Variants in IST1 observed in about 807,000 individuals in gnomAD.
The protein encoded by IST1 is IST1 homolog.
A neutral mutation model predicts 37.0 loss-of-function variants in IST1; 23 were observed. The ratio of observed to expected loss-of-function variants is 0.62; its 90% CI spans 0.45 to 0.88. The LOEUF (loss-of-function observed/expected upper bound fraction) is 0.88, where lower values mean the gene tolerates loss of function less well. Among genes scored for constraint, IST1 ranks in the 40% least tolerant of loss-of-function variants. IST1 has a pLI of 0.00. For missense variants in IST1, 488 were observed against 445.4 expected, an observed-to-expected ratio of 1.10 and a Z score of -0.86; for synonymous variants, 180 against 161.7, an observed-to-expected ratio of 1.11 and a Z score of -0.86.
chr16:71,916,495 C>G lies in IST1; in HGVS notation c.122C>G (p.Ala41Gly). The G allele has an allele frequency of 6.2e-7, 1 of 1,612,960 alleles. No individual in the cohort carries two copies. ...ELAQKARKEI[A>G]DYLAAGKDER... Reference sequence around the variant, plus strand: ...GCCCAGAAAGCAAGGAAGGAGATTGCTGACTATCTGGCTGCTGGGAAAGAT... The same window carrying G: ...GCCCAGAAAGCAAGGAAGGAGATTGGTGACTATCTGGCTGCTGGGAAAGAT... The change falls in exon 3 of 10, where the codon GCT becomes GGT. Residue 41 changes from alanine to glycine, a missense_variant. This residue lies in a region of IST1 where 33 missense variants were observed against 59.3 expected (regional missense o/e 0.56). Transcript: ENST00000378799.
At chr16:71,925,516 A>C (rs1244253125) in intron 9 of IST1, among the ~76,000 whole-genome samples, 1 of 148,856 alleles carries the variant, frequency 6.7e-6, no homozygotes, top group Non-Finnish European at 1.5e-5. Flanking sequence ...GGGTTTCACC[A>C]CGTTGGTCAG....
rs2037811093 is a variant in IST1 at position 71,928,641 on chromosome 16, C to CTCAAGTCTTT, written c.*830_*839dup. 4 of 152,774 alleles carry CTCAAGTCTTT rather than the reference C, an allele frequency of 2.6e-5. No individual in the cohort carries two copies. In the South Asian group the frequency reaches 6.2e-4, roughly 24 times the overall value. The allele number at this position is 152,774 out of a possible 1,614,324, so 9.5% of individuals were successfully genotyped here. A position where few individuals can be genotyped will look rare whatever the true frequency, so the allele number is the denominator to read the frequency against. On this transcript the variant is annotated 3_prime_UTR_variant, in exon 10 of 10. Transcript: ENST00000378799. ...GCTTCCAGCTGCCTTAATAGAAGTA[C>CTCAAGTCTTT]TCAAGTCTTTTGGGTAGTGAGCTGG...
At chr16:71,910,685 G>A (rs1322362837) in intron 1 of IST1, among the ~76,000 whole-genome samples, 1 of 152,102 alleles carries the variant, frequency 6.6e-6, no homozygotes, top group African/African-American at 2.4e-5. Context: ...GCATCCACTA[G>A]GGTCTTGAAA....
At chr16:71,894,883 G>C (rs949346238), upstream of IST1, 4 of 1,462,446 alleles carry the variant, frequency 2.7e-6, no homozygotes, top group Admixed American at 2.0e-5. Context: ...AGTTTTCTCT[G>C]AATACCGAGA....
intron 1 of IST1, among the ~76,000 whole-genome samples, chr16:71,914,775 G>T (rs561947184): frequency 1.2e-4 from 19 of 152,078 alleles, no homozygotes; most frequent in Non-Finnish European, 2.2e-4. Flanking sequence ...CTGTTCTTCA[G>T]TTACTTTGTT....
chr16:71,915,449 C>T (rs1025322864), intron 1 of IST1, among the ~76,000 whole-genome samples, 177 bp from the exon 2 acceptor site: 3 of 151,862 alleles, frequency 2.0e-5, no homozygotes, highest in Non-Finnish European at 2.9e-5. Flanking sequence ...TATCCTTCCC[C>T]AATCAGTTTT....
intron 9 of IST1, among the ~76,000 whole-genome samples, chr16:71,926,084 C>G (rs1203061325): frequency 6.6e-6 from 1 of 152,018 alleles, no homozygotes; most frequent in East Asian, 1.9e-4. Flanking sequence ...GTGTTCAAGA[C>G]CAGGCTGGTC....
At chr16:71,906,112 T>C (rs2037218188) in intron 1 of IST1, among the ~76,000 whole-genome samples, 1 of 151,180 alleles carries the variant, frequency 6.6e-6, no homozygotes, top group Admixed American at 6.6e-5. Context: ...CAACCAATTC[T>C]CCTGCCTCAG....
At chr16:71,923,917 GT>G (rs1317597133) in intron 8 of IST1, among the ~76,000 whole-genome samples, 1 of 151,988 alleles carries the variant, frequency 6.6e-6, no homozygotes, top group East Asian at 1.9e-4. Context: ...CAGGTTACTT[GT>G]TTTTGACCAG....
rs183375342 is a variant in IST1, at chr16:71,895,585, G to A, written c.-20G>A. ...TCTGCTGCGTTCACGGCAGGATTCG[G>A]TTAGGTGAGTGTGGCATCCTCGGCG... On this transcript the variant is annotated 5_prime_UTR_variant, in exon 1 of 10. Coordinates refer to ENST00000378799, the MANE Select transcript of IST1 (RefSeq NM_001270975.2). 1.8e-4 allele frequency: 176 copies of A among 984,382 alleles called. No homozygotes were observed. In the Admixed American group the frequency reaches 1.8e-3, roughly 10 times the overall value. The allele number at this position is 984,382 out of a possible 1,614,324, so 61.0% of individuals were successfully genotyped here. A position where few individuals can be genotyped will look rare whatever the true frequency, so the allele number is the denominator to read the frequency against.
chr16:71,899,742 A>G (rs2037059612), intron 1 of IST1, among the ~76,000 whole-genome samples: 1 of 146,458 alleles, frequency 6.8e-6, no homozygotes, highest in Non-Finnish European at 1.5e-5. Flanking sequence ...CTGGGCGAAC[A>G]GCCGGGCATG....
intron 1 of IST1, among the ~76,000 whole-genome samples, chr16:71,900,494 C>T (rs536618916): frequency 6.6e-6 from 1 of 151,914 alleles, no homozygotes; most frequent in Non-Finnish European, 1.5e-5. Context: ...TTTTACTTTG[C>T]TTATTCAGGA....
At chr16:71,899,279 C>T (rs761840293) in intron 1 of IST1, among the ~76,000 whole-genome samples, 7 of 152,174 alleles carry the variant, frequency 4.6e-5, no homozygotes, top group South Asian at 2.1e-4. Flanking sequence ...ACATGTAATG[C>T]TTCTAAAGGA....
chr16:71,894,698 CTTTT>C (rs35889170), upstream of IST1: 373 of 442,152 alleles, frequency 8.4e-4, no homozygotes, highest in Non-Finnish European at 9.5e-4. Flanking sequence ...TAATTTTTAA[CTTTT>C]TTTTTTTTTT....
intron 1 of IST1, among the ~76,000 whole-genome samples, chr16:71,904,627 T>G (rs954428273): frequency 3.9e-5 from 6 of 152,254 alleles, no homozygotes; most frequent in Non-Finnish European, 7.3e-5. Flanking sequence ...TAGTCTGGTC[T>G]TGAACTCCTG....
At chr16:71,906,329 C>T (rs1259590300) in intron 1 of IST1, among the ~76,000 whole-genome samples, 3 of 150,470 alleles carry the variant, frequency 2.0e-5, no homozygotes, top group Non-Finnish European at 4.4e-5. Flanking sequence ...TTTTTTGAGA[C>T]ACAGTTTTGC....
At chr16:71,917,231 G>A in intron 4 of IST1, 97 bp downstream of exon 4, 1 of 707,484 alleles carries the variant, frequency 1.4e-6, no homozygotes, top group Non-Finnish European at 2.4e-6. Flanking sequence ...CAGATATTTT[G>A]TACCATTCTT....
upstream of IST1, chr16:71,894,760 TC>T: frequency 2.0e-6 from 2 of 991,554 alleles, no homozygotes; most frequent in South Asian, 1.4e-5. Flanking sequence ...GGTCTGCAAC[TC>T]CCGGGCTCAA....
intron 1 of IST1, among the ~76,000 whole-genome samples, chr16:71,913,429 A>G (rs1257079134): frequency 1.3e-5 from 2 of 152,070 alleles, no homozygotes; most frequent in African/African-American, 4.8e-5. Flanking sequence ...ATCTTCAAGT[A>G]TTTTGCCCAG....
Sources: allele counts gnomAD v4.1 joint callset (sites outside exome capture counted in the v4.1 genomes callset), GRCh38; gene constraint gnomAD v4.1.1; regional missense constraint gnomAD v4.1.1; transcripts MANE v1.5; gene names NCBI Gene and HGNC (gene_info 2026-07-23, HGNC 2026-07-21).